The following HDAC9 variants were observed in gnomAD, a reference collection of about 807,000 sequenced individuals.
HDAC9 encodes the protein histone deacetylase 9.
In HDAC9, 41 loss-of-function variants were observed where a neutral mutation model predicts 139.4. The ratio of observed to expected loss-of-function variants is 0.29; its 90% confidence interval spans 0.23 to 0.38. HDAC9 has a LOEUF of 0.38. Among genes scored for constraint, HDAC9 ranks in the 10% least tolerant of loss-of-function variants. The probability of loss-of-function intolerance (pLI) is 1.00; values close to 1 mark genes in which losing one functional copy is unlikely to be tolerated. For synonymous variants in HDAC9, 517 were observed against 476.2 expected, an observed-to-expected ratio of 1.09 and a Z score of -1.12; for missense variants, 1,147 against 1,297.0, an observed-to-expected ratio of 0.88 and a Z score of 1.78.
At chr7:18,516,862 GAAAAAAA>G (rs35689821) in intron 2 of HDAC9, among the ~76,000 whole-genome samples, 7 of 55,090 alleles carry the variant, frequency 1.3e-4, no homozygotes, top group Non-Finnish European at 1.9e-4. Context: ...CTCCATTTCA[GAAAAAAA>G]AAAAAAAAAA....
intron 22 of HDAC9, among the ~76,000 whole-genome samples, chr7:18,896,702 T>C (rs75943753): frequency 0.017 from 2,607 of 152,188 alleles, 80 homozygotes; most frequent in African/African-American, 0.06. Flanking sequence ...GATTTTATTT[T>C]TAGGTATAAA....
At chr7:18,099,411 T>C (rs925475693) in intron 1 of HDAC9, among the ~76,000 whole-genome samples, 1 of 151,972 alleles carries the variant, frequency 6.6e-6, no homozygotes, top group Non-Finnish European at 1.5e-5. Context: ...GAGGTTGCAG[T>C]GAACTGAGAT....
At chr7:18,379,285 C>T (rs1356859253) in intron 1 of HDAC9, among the ~76,000 whole-genome samples, 1 of 152,146 alleles carries the variant, frequency 6.6e-6, no homozygotes, top group African/African-American at 2.4e-5. Flanking sequence ...TTAGTGGTCA[C>T]TGTTTAGTTG....
intron 22 of HDAC9, among the ~76,000 whole-genome samples, chr7:18,927,319 CT>C (rs1804322242): frequency 6.6e-6 from 1 of 152,080 alleles, no homozygotes; most frequent in Non-Finnish European, 1.5e-5. Flanking sequence ...GAAAGCATTC[CT>C]CCCATCTGCA....
At chr7:18,595,170 T>A (rs1487426499) in intron 6 of HDAC9, among the ~76,000 whole-genome samples, 1 of 152,096 alleles carries the variant, frequency 6.6e-6, no homozygotes, top group African/African-American at 2.4e-5. Context: ...TAGGAAAGGA[T>A]GTTTAACTAT....
intron 1 of HDAC9, among the ~76,000 whole-genome samples, chr7:18,101,630 T>C (rs1782867252): frequency 6.6e-6 from 1 of 152,224 alleles, no homozygotes; most frequent in African/African-American, 2.4e-5. Context: ...TTTTCAGCAG[T>C]TTCCAAATTT....
intron 1 of HDAC9, among the ~76,000 whole-genome samples, chr7:18,443,909 A>G (rs917492341): frequency 2.0e-5 from 3 of 151,760 alleles, no homozygotes; most frequent in Middle Eastern, 3.5e-3. Context: ...TTGTATAAAC[A>G]TACATTTGTA....
chr7:18,614,384 A>C (rs1296968747), intron 6 of HDAC9, among the ~76,000 whole-genome samples: 1 of 152,086 alleles, frequency 6.6e-6, no homozygotes, highest in African/African-American at 2.4e-5. Flanking sequence ...TTTTGGGTTC[A>C]GTTCTGTCTC....
At chr7:18,541,941 G>T (rs1813106771) in intron 2 of HDAC9, among the ~76,000 whole-genome samples, 1 of 152,094 alleles carries the variant, frequency 6.6e-6, no homozygotes, top group African/African-American at 2.4e-5. Context: ...TATCCATTTA[G>T]ATCAGGGTTT....
intron 25 of HDAC9, among the ~76,000 whole-genome samples, chr7:18,991,406 C>T (rs923255179): frequency 5.9e-5 from 9 of 152,090 alleles, no homozygotes; most frequent in South Asian, 2.1e-4. Flanking sequence ...TTTGGGAGGC[C>T]GAGGCGGGCA....
At chr7:18,991,799 T>A (rs551024633) in intron 25 of HDAC9, among the ~76,000 whole-genome samples, 1 of 152,220 alleles carries the variant, frequency 6.6e-6, no homozygotes, top group Non-Finnish European at 1.5e-5. Flanking sequence ...AAATGCAAAT[T>A]TGAATAACAA....
chr7:18,959,191 T>C (rs1783360116), intron 24 of HDAC9, among the ~76,000 whole-genome samples: 1 of 152,086 alleles, frequency 6.6e-6, no homozygotes, highest in South Asian at 2.1e-4. Context: ...TTCACAGATT[T>C]GGGAGGGGAG....
rs1304810650 is a variant in HDAC9, at chr7:18,629,380, G to A, written c.695G>A (p.Arg232Lys). The A allele has an allele frequency of 2.5e-6, 4 of 1,607,668 alleles. No homozygotes were observed. Among genetic ancestry groups the A allele is most frequent in the Non-Finnish European group, 3.4e-6 (4 of 1,177,486 alleles). Residue 232 changes from arginine to lysine, a missense_variant, in exon 7 of 26, where the codon AGG (arginine) becomes AAG (lysine). This residue lies in a region of HDAC9 where 264 missense variants were observed against 273.8 expected (regional missense o/e 0.96). Transcript: ENST00000686413. ...ASEPNLKVRS[R>K]LKQKVAERRS... Reference sequence around the variant, plus strand: ...GAGCCCAACTTGAAGGTGCGGTCCAGGTTAAAACAGAAAGTGGCAGAGAGG... The same window carrying A: ...GAGCCCAACTTGAAGGTGCGGTCCAAGTTAAAACAGAAAGTGGCAGAGAGG...
chr7:18,516,013 C>G (rs1586568765), intron 2 of HDAC9, among the ~76,000 whole-genome samples: 1 of 152,184 alleles, frequency 6.6e-6, no homozygotes, highest in African/African-American at 2.4e-5. Context: ...TTACTAAGGA[C>G]ACATTATTAT....
chr7:18,492,155 A>G (rs1249360120), upstream of HDAC9, among the ~76,000 whole-genome samples: 1 of 151,966 alleles, frequency 6.6e-6, no homozygotes, highest in African/African-American at 2.4e-5. Flanking sequence ...TGAGATTTTA[A>G]TATTTCGAGA....
intron 2 of HDAC9, among the ~76,000 whole-genome samples, chr7:18,562,097 A>C (rs1483715703): frequency 6.6e-6 from 1 of 152,088 alleles, no homozygotes; most frequent in African/African-American, 2.4e-5. Flanking sequence ...ATGTTGAGTG[A>C]TTTTCAAGGA....
intron 1 of HDAC9, among the ~76,000 whole-genome samples, chr7:18,461,005 A>G (rs1228193936): frequency 6.6e-6 from 1 of 152,162 alleles, no homozygotes; most frequent in Admixed American, 6.6e-5. Flanking sequence ...AGCCAGAAGA[A>G]GAAAATTAAA....
intron 1 of HDAC9, among the ~76,000 whole-genome samples, chr7:18,360,724 C>T (rs918526264): frequency 5.9e-5 from 9 of 152,132 alleles, no homozygotes; most frequent in African/African-American, 1.9e-4. Context: ...TTATGTAGTA[C>T]ATTGCTGACA....
chr7:18,704,186 C>A (rs1301205805), intron 12 of HDAC9, among the ~76,000 whole-genome samples: 1 of 152,212 alleles, frequency 6.6e-6, no homozygotes, highest in African/African-American at 2.4e-5. Context: ...AAAACATAGC[C>A]TTAGCCAGAT....
Sources: gnomAD v4.1 joint callset for allele counts (sites outside exome capture counted in the v4.1 genomes callset) on GRCh38, gnomAD v4.1.1 for gene constraint, gnomAD v4.1.1 regional missense constraint, MANE v1.5 for transcripts, NCBI Gene and HGNC (gene_info 2026-07-23, HGNC 2026-07-21) for gene names.